The following KCNQ2 variants were observed in gnomAD, a reference collection of about 807,000 sequenced individuals.
The protein encoded by KCNQ2 is potassium voltage-gated channel subfamily Q member 2, also known as potassium voltage-gated channel subfamily KQT member 2.
A neutral mutation model predicts 84.8 loss-of-function variants in KCNQ2; 14 were observed. The ratio of observed to expected loss-of-function variants is 0.17; its 90% confidence interval spans 0.11 to 0.26. The LOEUF (loss-of-function observed/expected upper bound fraction) is 0.26, where lower values mean the gene tolerates loss of function less well. KCNQ2 is among the 10% of genes least tolerant of loss of function. KCNQ2 has a pLI of 1.00. For synonymous variants in KCNQ2, 599 were observed against 554.1 expected (o/e 1.08, Z -1.14); for missense variants, 788 against 1,254.0 (o/e 0.63, Z 5.61).
Position 63,472,569 on chromosome 20 carries a change from C to T in KCNQ2, c.-106G>A. 9.7e-7 allele frequency: 1 copy of T among 1,026,204 alleles called. No homozygotes were observed. Among genetic ancestry groups the T allele is most frequent in the Non-Finnish European group, 1.2e-6 (1 of 815,834 alleles). 63.6% of individuals were successfully genotyped at this position (1,026,204 alleles called of 1,614,324 possible). A position where few individuals can be genotyped will look rare whatever the true frequency, so the allele number is the denominator to read the frequency against. On this transcript the variant is annotated 5_prime_UTR_variant, in exon 1 of 17. Transcript: ENST00000359125. ...GGCCCCCCGGCCGGGAGCCGCATGG[C>T]CGAGGCGGCGGTTCCGCACTCCTGC...
At chr20:63,409,191 G>C (rs1177379530) in intron 15 of KCNQ2, among the ~76,000 whole-genome samples, 2 of 152,258 alleles carry the variant, frequency 1.3e-5, no homozygotes, top group African/African-American at 4.8e-5. Flanking sequence ...AAAGCTGCGA[G>C]GGTCTGTGTG....
chr20:63,423,070 G>A (rs369611352), intron 11 of KCNQ2, among the ~76,000 whole-genome samples: 23 of 152,328 alleles, frequency 1.5e-4, no homozygotes, highest in African/African-American at 4.8e-4. Context: ...CAGAGGCTAC[G>A]CTGCCGACCC....
chr20:63,423,777 G>A (rs2080544468), intron 11 of KCNQ2: 4 of 255,856 alleles, frequency 1.6e-5, no homozygotes, highest in Non-Finnish European at 3.0e-5. Context: ...CCCACTTGGA[G>A]CTTTCACCCC....
At position 63,425,529 on chromosome 20, in the gene KCNQ2, GA is replaced by G. The variant is rs2080600239; in HGVS notation, c.1218-1324del. ...GAGGTCAGGAGTTCGAGACCAGCCT[GA>G]CCAACATGGTGAAACCCCGTCTCTA... is the stretch of plus-strand genomic sequence containing the variant. On this transcript the variant is annotated intron_variant, in intron 10 of 16. Transcript: ENST00000359125. The surrounding 1 kb of genome is among the most constrained non-coding windows in gnomAD (Gnocchi z 5.5). Among the ~76,000 whole-genome samples the G allele has an allele frequency of 6.6e-6, 1 of 152,116 alleles. No individual in the cohort carries two copies. The highest frequency in any genetic ancestry group is 2.1e-4 in the South Asian group (1 of 4,814).
At chr20:63,452,056 C>T in intron 1 of KCNQ2, among the ~76,000 whole-genome samples, 1 of 152,260 alleles carries the variant, frequency 6.6e-6, no homozygotes, top group East Asian at 1.9e-4. Flanking sequence ...CACCAACTGC[C>T]CATTCCAGCA....
At chr20:63,457,056 T>C (rs2081819792) in intron 1 of KCNQ2, among the ~76,000 whole-genome samples, 1 of 152,240 alleles carries the variant, frequency 6.6e-6, no homozygotes, top group Admixed American at 6.5e-5. Context: ...TGAACTGCTC[T>C]GTTTCCAGGA....
In KCNQ2 at chr20:63,401,764, C is replaced by T; in HGVS notation, c.*4880G>A. On this transcript the variant is annotated 3_prime_UTR_variant, in exon 17 of 17. Coordinates refer to ENST00000359125, the MANE Select transcript of KCNQ2 (RefSeq NM_172107.4). ...CACTGAGCACCCACCCCTCAGAGCTCAGCCCCCTGCTGGGCACCCTCCACA... is the reference window on the plus strand; with the variant it reads ...CACTGAGCACCCACCCCTCAGAGCTTAGCCCCCTGCTGGGCACCCTCCACA... 4.9e-6 allele frequency: 1 copy of T among 202,922 alleles called. No individual in the cohort carries two copies. 12.6% of individuals were successfully genotyped at this position (202,922 alleles called of 1,614,324 possible). A position where few individuals can be genotyped will look rare whatever the true frequency, so the allele number is the denominator to read the frequency against.
Position 63,406,954 on chromosome 20 carries a change from T to C in KCNQ2, c.2309A>G (p.Asp770Gly). The C allele has an allele frequency of 1.0e-5, 16 of 1,572,506 alleles. No individual in the cohort carries two copies. Among genetic ancestry groups the C allele is most frequent in the Non-Finnish European group, 1.4e-5 (16 of 1,163,472 alleles). Residue 770 changes from aspartate (D) to glycine (G), a missense_variant, in exon 17 of 17, where the codon GAC (aspartate) becomes GGC (glycine). Physicochemically the swap from Asp to Gly is moderately conservative, Grantham distance 94 (BLOSUM62 -1). Around this residue, in one of 8 missense-constraint regions of KCNQ2, gnomAD observed 378 missense variants for 434.5 expected, o/e 0.87. Coordinates refer to ENST00000359125, the MANE Select transcript of KCNQ2 (RefSeq NM_172107.4). Reference sequence around the variant, plus strand: ...CTCGGGGGGCCTGCAGCCCGGGGTGTCCTCCTGCCGCAGGAACTCCATGCT... The same window carrying C: ...CTCGGGGGGCCTGCAGCCCGGGGTGCCCTCCTGCCGCAGGAACTCCATGCT... ...RASMEFLRQE[D>G]TPGCRPPEGN...
chr20:63,411,153 C>A, intron 15 of KCNQ2: 1 of 380,264 alleles, frequency 2.6e-6, no homozygotes, highest in Non-Finnish European at 5.2e-6. Context: ...TGCTGGAGCG[C>A]ACGCCTGTGC....
Position 63,438,352 on chromosome 20 carries a change from G to C in KCNQ2, c.1023+273C>G. ...TGTGCTCACCTCCCAGGGTGCGGTA[G>C]AGAGGACCTGATGGCCGGGCCCCAG... On this transcript the variant is annotated intron_variant, in intron 7 of 16. Coordinates refer to ENST00000359125, the MANE Select transcript of KCNQ2 (RefSeq NM_172107.4). The surrounding 1 kb of genome is among the most constrained non-coding windows in gnomAD (Gnocchi z 5.1). 1 of 562,844 alleles carries C rather than the reference G, an allele frequency of 1.8e-6. No individual in the cohort carries two copies. The highest frequency in any genetic ancestry group is 3.2e-6 in the Non-Finnish European group (1 of 311,632). 34.9% of individuals were successfully genotyped at this position (562,844 alleles called of 1,614,324 possible).
At position 63,446,714 on chromosome 20, in the gene KCNQ2, C is replaced by A. The variant is rs2081436623; in HGVS notation, c.387+33G>T. ...CAGGCAGCTCCAGCTCCTTCCTGGG[C>A]ACTTCCAGCCCCCGCCCTCCCTCGG... On this transcript the variant is annotated intron_variant, in intron 2 of 16. Coordinates refer to ENST00000359125, the MANE Select transcript of KCNQ2 (RefSeq NM_172107.4). This position sits in a 1 kb window ranked among gnomAD's most constrained non-coding sequence, Gnocchi z 5.5. 6.4e-7 allele frequency: 1 copy of A among 1,573,838 alleles called. No homozygotes were observed. The highest frequency in any genetic ancestry group is 1.1e-5 in the South Asian group (1 of 90,300).
In KCNQ2 at chr20:63,438,068, A is replaced by C. The variant is rs968169369; in HGVS notation, c.1023+557T>G. On this transcript the variant is annotated intron_variant, in intron 7 of 16. Coordinates refer to ENST00000359125, the MANE Select transcript of KCNQ2 (RefSeq NM_172107.4). This position sits in a 1 kb window ranked among gnomAD's most constrained non-coding sequence, Gnocchi z 5.1. ...CGTGATCCTCCCACCTCGGCCTCCC[A>C]AAGTGCTGGGATTGCAGGCGTGAGC... 1.1e-4 allele frequency: 18 copies of C among 159,266 alleles called. No individual in the cohort carries two copies. The highest frequency in any genetic ancestry group is 1.8e-4 in the Admixed American group (3 of 16,726). 9.9% of individuals were successfully genotyped at this position (159,266 alleles called of 1,614,324 possible). A position where few individuals can be genotyped will look rare whatever the true frequency, so the allele number is the denominator to read the frequency against.
intron 12 of KCNQ2, 40 bp from the exon 13 acceptor site, chr20:63,415,166 G>A (rs889819133): frequency 4.5e-6 from 3 of 671,858 alleles, no homozygotes; most frequent in Non-Finnish European, 6.8e-6. Context: ...GAAAAACAGG[G>A]AGAGAAGTCA....
At chr20:63,444,256 G>A (rs904056981) in intron 4 of KCNQ2, among the ~76,000 whole-genome samples, 12 of 152,188 alleles carry the variant, frequency 7.9e-5, no homozygotes, top group Non-Finnish European at 1.5e-4. Flanking sequence ...CCCGGACAGC[G>A]GCCGCCGCAA....
intron 5 of KCNQ2, among the ~76,000 whole-genome samples, chr20:63,441,865 G>A (rs1466039559): frequency 6.6e-6 from 1 of 152,242 alleles, no homozygotes; most frequent in Non-Finnish European, 1.5e-5. Context: ...CAGCCGGCAT[G>A]TGCGGGGCTA....
rs908850910 is a variant in KCNQ2 at position 63,423,261 on chromosome 20, C to T, written c.1247+916G>A. Among the ~76,000 whole-genome samples, 3 of 152,298 alleles carry T rather than the reference C, an allele frequency of 2.0e-5. No individual in the cohort carries two copies. In the East Asian group the frequency reaches 5.8e-4, roughly 29 times the overall value. On this transcript the variant is annotated intron_variant, in intron 11 of 16. Transcript: ENST00000359125. ...GGAAAAATGCAGCTCAGCCCCACTC[C>T]ATCTCCCCGCACCCAAGCCCCGCAG...
intron 11 of KCNQ2, among the ~76,000 whole-genome samples, chr20:63,420,364 C>T (rs1162953121): frequency 6.6e-6 from 1 of 152,258 alleles, no homozygotes; most frequent in Non-Finnish European, 1.5e-5. Flanking sequence ...CCCAAAAACC[C>T]TGGCGATTTA....
chr20:63,470,949 C>G (rs2082200456), intron 1 of KCNQ2: 1 of 152,242 alleles, frequency 6.6e-6, no homozygotes, highest in South Asian at 2.1e-4. Flanking sequence ...CCCAGGGGCC[C>G]TCCACGGAGA....
At chr20:63,431,047 C>T (rs185710429) in intron 9 of KCNQ2, among the ~76,000 whole-genome samples, 3 of 152,186 alleles carry the variant, frequency 2.0e-5, no homozygotes, top group African/African-American at 4.8e-5. Context: ...GGGACACAGG[C>T]GGGCTGGCAA....
Sources: gnomAD v4.1 joint callset for allele counts (sites outside exome capture counted in the v4.1 genomes callset) on GRCh38, gnomAD v4.1.1 for gene constraint, gnomAD v4.1.1 regional missense constraint, Gnocchi (gnomAD v3.1) non-coding constraint, MANE v1.5 for transcripts, NCBI Gene and HGNC (gene_info 2026-07-23, HGNC 2026-07-21) for gene names.